WDFY4: variants seen among roughly 807,000 people sequenced by gnomAD.
The protein encoded by WDFY4 is WD repeat- and FYVE domain-containing protein 4.
A neutral mutation model predicts 351.9 loss-of-function variants in WDFY4; 169 were observed. The observed-to-expected ratio is 0.48, with a 90% CI of 0.42 to 0.55. The LOEUF (loss-of-function observed/expected upper bound fraction) is 0.55. Among genes scored for constraint, WDFY4 ranks in the 20% least tolerant of loss-of-function variants. The pLI is 0.00. For synonymous variants in WDFY4, 1,622 were observed against 1,574.6 expected (o/e 1.03, Z -0.71); for missense variants, 3,803 against 3,935.6 (o/e 0.97, Z 0.90).
At chr10:48,923,721 C>T (rs1839326605) in intron 47 of WDFY4, among the ~76,000 whole-genome samples, 2 of 151,992 alleles carry the variant, frequency 1.3e-5, no homozygotes, top group Admixed American at 6.6e-5. Flanking sequence ...GCCCAGTCCT[C>T]AAGTTGAAAT....
rs564345335 is a variant in WDFY4, at chr10:48,890,171, G to A, written c.7168-408G>A. Among the ~76,000 whole-genome samples the A allele has an allele frequency of 3.9e-5, 6 of 152,318 alleles. No homozygotes were observed. In the South Asian group the frequency reaches 1.2e-3, roughly 32 times the overall value. ...TCTAGTCCTGGCTCAACCATGTACT[G>A]GCTGGTCCCTGGACAAGCTCCCTCT... On this transcript the variant is annotated intron_variant, in intron 43 of 61. Transcript: ENST00000325239.
intron 44 of WDFY4, 74 bp downstream of exon 44, chr10:48,890,801 C>T (rs1305929313): frequency 3.3e-6 from 5 of 1,529,754 alleles, no homozygotes; most frequent in East Asian, 2.5e-5. Context: ...CCACTATTCC[C>T]CTTCTCACCT....
chr10:48,899,555 C>A (rs1172260426), intron 45 of WDFY4, among the ~76,000 whole-genome samples: 1 of 152,152 alleles, frequency 6.6e-6, no homozygotes, highest in Non-Finnish European at 1.5e-5. Flanking sequence ...ATTCTCTCTC[C>A]TTGGCCTCAT....
intron 43 of WDFY4, among the ~76,000 whole-genome samples, chr10:48,885,381 T>C (rs796194394): frequency 5.3e-5 from 8 of 152,356 alleles, no homozygotes; most frequent in African/African-American, 1.9e-4. Context: ...TGATCAGTCC[T>C]TAGTGAACAC....
intron 9 of WDFY4, among the ~76,000 whole-genome samples, chr10:48,732,607 T>C (rs370054236): frequency 5.3e-5 from 8 of 152,312 alleles, no homozygotes; most frequent in African/African-American, 1.9e-4. Flanking sequence ...AACTGAGTGA[T>C]CTTGAGAAAG....
chr10:48,698,103 G>A (rs1332016070), intron 1 of WDFY4, among the ~76,000 whole-genome samples: 1 of 152,158 alleles, frequency 6.6e-6, no homozygotes. Context: ...TTCTCGACAG[G>A]CCATCTCTTG....
In WDFY4 at chr10:48,729,794, C is replaced by T. The variant is rs139613485; in HGVS notation, c.1129+205C>T. Among the ~76,000 whole-genome samples, 154 of 152,296 alleles carry T rather than the reference C, an allele frequency of 1.0e-3. 1 individual carries two copies. Among genetic ancestry groups the T allele is most frequent in the African/African-American group, 3.4e-3 (143 of 41,558 alleles). On this transcript the variant is annotated intron_variant, in intron 8 of 61. Coordinates refer to ENST00000325239, the MANE Select transcript of WDFY4 (RefSeq NM_001394531.1). ...TAAAGGCAAAGACTCTCTCAAATAA[C>T]GGAGGCAGCCTCTACTTCTCTCCCT...
In WDFY4 at chr10:48,819,599, C is replaced by T. The variant is rs540118341; in HGVS notation, c.5506-635C>T. Among the ~76,000 whole-genome samples, 21 of 152,248 alleles carry T rather than the reference C, an allele frequency of 1.4e-4. 1 individual carries two copies. The South Asian group carries it at 4.1e-3, about 30-fold the overall frequency. ...TCCAGCATCTCTGTGTCCTCCTGGACGTATCTGGGGTAATGACCCCTGTCT... is the reference window on the plus strand; with the variant it reads ...TCCAGCATCTCTGTGTCCTCCTGGATGTATCTGGGGTAATGACCCCTGTCT... On this transcript the variant is annotated intron_variant, in intron 32 of 61. Transcript: ENST00000325239.
chr10:48,831,429 T>G (rs1251894989), intron 38 of WDFY4, among the ~76,000 whole-genome samples: 2 of 152,250 alleles, frequency 1.3e-5, no homozygotes, highest in Non-Finnish European at 2.9e-5. Flanking sequence ...TTTTTAATTT[T>G]GTTTTCAAGG....
At chr10:48,801,229 A>C (rs1258298663) in intron 24 of WDFY4, among the ~76,000 whole-genome samples, 2 of 152,228 alleles carry the variant, frequency 1.3e-5, no homozygotes. Flanking sequence ...CATGTTTCCC[A>C]AAATTCTGAC....
chr10:48,750,995 G>A (rs2065164483), intron 12 of WDFY4, among the ~76,000 whole-genome samples: 1 of 152,224 alleles, frequency 6.6e-6, no homozygotes. Flanking sequence ...AAGGCAGATA[G>A]TCTTGGACTC....
chr10:48,887,201 G>C (rs1371779700), intron 43 of WDFY4, among the ~76,000 whole-genome samples: 1 of 152,262 alleles, frequency 6.6e-6, no homozygotes, highest in Non-Finnish European at 1.5e-5. Context: ...TGGAGGCTGT[G>C]GTGGGGGCCT....
Position 48,787,919 on chromosome 10 carries a change from TTC to T in WDFY4, c.3809-609_3809-608del, listed in dbSNP as rs1565198860. ...CTTCTTCTTCTTCTTCTTCTTCTTC[TTC>T]TTCTTCTTCTTCTTCTTCTTCTTCT... On this transcript the variant is annotated intron_variant, in intron 20 of 61. Transcript: ENST00000325239. Among the ~76,000 whole-genome samples, 60 of 66,782 alleles carry T rather than the reference TTC, an allele frequency of 9.0e-4. 2 individuals carry two copies. The highest frequency in any genetic ancestry group is 3.0e-3 in the African/African-American group (43 of 14,194). The allele number at this position is 66,782 out of a possible 152,430, so 43.8% of individuals were successfully genotyped here.
intron 14 of WDFY4, 108 bp from the exon 15 acceptor site, chr10:48,775,604 T>A: frequency 9.8e-7 from 1 of 1,024,608 alleles, no homozygotes; most frequent in Non-Finnish European, 1.5e-6. Flanking sequence ...CCAGTGGGGC[T>A]GGGAGGTCAG....
At chr10:48,777,761 A>G (rs2066082183) in intron 17 of WDFY4, among the ~76,000 whole-genome samples, 1 of 152,214 alleles carries the variant, frequency 6.6e-6, no homozygotes, top group African/African-American at 2.4e-5. Flanking sequence ...AAAAAAGAAA[A>G]GCAAACATGA....
chr10:48,777,971 T>G (rs2066088905), intron 17 of WDFY4, among the ~76,000 whole-genome samples: 1 of 152,208 alleles, frequency 6.6e-6, no homozygotes, highest in Non-Finnish European at 1.5e-5. Flanking sequence ...GATCTCTCTC[T>G]AGAGAGAAAT....
At chr10:48,907,420 C>T (rs948187333) in intron 47 of WDFY4, among the ~76,000 whole-genome samples, 1 of 152,100 alleles carries the variant, frequency 6.6e-6, no homozygotes. Flanking sequence ...GTTTGCAGTT[C>T]CTAAAATCAT....
At chr10:48,807,310 G>A (rs1487423267) in intron 27 of WDFY4, among the ~76,000 whole-genome samples, 5 of 152,302 alleles carry the variant, frequency 3.3e-5, no homozygotes, top group East Asian at 3.9e-4. Flanking sequence ...ACATATTAAA[G>A]CATTGTTAAT....
intron 47 of WDFY4, among the ~76,000 whole-genome samples, chr10:48,906,295 C>T (rs1837613366): frequency 6.6e-6 from 1 of 151,662 alleles, no homozygotes; most frequent in Admixed American, 6.6e-5. Flanking sequence ...GACACCATCC[C>T]ACACATACAG....
Sources: gnomAD v4.1 joint callset for allele counts (sites outside exome capture counted in the v4.1 genomes callset) on GRCh38, gnomAD v4.1.1 for gene constraint, MANE v1.5 for transcripts, NCBI Gene and HGNC (gene_info 2026-07-23, HGNC 2026-07-21) for gene names.